The following PTPRK variants were observed in gnomAD, a reference collection of about 807,000 sequenced individuals.
PTPRK encodes the protein protein tyrosine phosphatase receptor type K.
PTPRK carries 75 observed loss-of-function variants against 178.0 expected under a neutral mutation model. That is an observed-to-expected ratio of 0.42 (90% CI 0.35 to 0.51). The LOEUF is 0.51. PTPRK is among the 20% of genes least tolerant of loss of function. PTPRK has a pLI of 0.02. For missense variants in PTPRK, 1,441 were observed against 1,797.8 expected, an observed-to-expected ratio of 0.80 and a Z score of 3.59; for synonymous variants, 637 against 620.6, an observed-to-expected ratio of 1.03 and a Z score of -0.39.
At chr6:128,015,900 A>C (rs2114741060) in intron 13 of PTPRK, among the ~76,000 whole-genome samples, 1 of 151,904 alleles carries the variant, frequency 6.6e-6, no homozygotes, top group Middle Eastern at 3.4e-3. Context: ...ATTATATCTT[A>C]CCACTTTGTA....
intron 13 of PTPRK, among the ~76,000 whole-genome samples, chr6:128,022,647 C>T (rs1202098898): frequency 6.6e-6 from 1 of 152,160 alleles, no homozygotes; most frequent in Non-Finnish European, 1.5e-5. Context: ...GAGGCACCGT[C>T]CTCCAGTATT....
At chr6:128,134,120 G>T (rs551046520) in intron 7 of PTPRK, among the ~76,000 whole-genome samples, 1 of 152,202 alleles carries the variant, frequency 6.6e-6, no homozygotes, top group South Asian at 2.1e-4. Context: ...AACTATATTT[G>T]TGAGGAAGGA....
In PTPRK at chr6:128,268,460, A is replaced by G. The variant is rs545390299; in HGVS notation, c.496-25858T>C. On this transcript the variant is annotated intron_variant, in intron 3 of 29. Coordinates refer to ENST00000368226, the MANE Select transcript of PTPRK (RefSeq NM_002844.4). The stretch of plus-strand genomic sequence containing the variant: ...CATTAATTAAACTTTATATGAAAGA[A>G]GACAGAGCTATTAGAAATGCTTATG... Among the ~76,000 whole-genome samples the G allele has an allele frequency of 2.1e-3, 319 of 152,164 alleles. 2 individuals are homozygous for G. The highest frequency in any genetic ancestry group is 3.3e-3 in the Non-Finnish European group (224 of 67,948).
chr6:128,393,468 A>G (rs1839891749), intron 2 of PTPRK, among the ~76,000 whole-genome samples: 1 of 152,216 alleles, frequency 6.6e-6, no homozygotes. Context: ...TTTAAGTAGT[A>G]CATAGTACAG....
At chr6:128,010,085 GTAT>G (rs1444840858) in intron 13 of PTPRK, among the ~76,000 whole-genome samples, 2 of 151,166 alleles carry the variant, frequency 1.3e-5, no homozygotes, top group Non-Finnish European at 3.0e-5. Flanking sequence ...GACAAGGAAA[GTAT>G]TATTATCTAC....
intron 11 of PTPRK, among the ~76,000 whole-genome samples, chr6:128,074,735 A>G (rs954685959): frequency 2.0e-5 from 3 of 152,076 alleles, no homozygotes; most frequent in Non-Finnish European, 2.9e-5. Flanking sequence ...CATGTTCTAC[A>G]TTAGCATAGG....
chr6:128,440,369 T>G (rs1480377954), intron 1 of PTPRK, among the ~76,000 whole-genome samples: 1 of 152,214 alleles, frequency 6.6e-6, no homozygotes, highest in Non-Finnish European at 1.5e-5. Flanking sequence ...AGATCCTCTT[T>G]CTTTCTCAAT....
chr6:127,990,558 T>G (rs1776486226), intron 21 of PTPRK, among the ~76,000 whole-genome samples: 2 of 151,618 alleles, frequency 1.3e-5, no homozygotes, highest in Non-Finnish European at 2.9e-5. Context: ...CTTAATTCAA[T>G]CGGCTCTAAG....
At position 128,409,411 on chromosome 6, in the gene PTPRK, A is replaced by G. The variant is rs142677757; in HGVS notation, c.101-11723T>C. On this transcript the variant is annotated intron_variant, in intron 1 of 29. Transcript: ENST00000368226. ...TCATAAGTATTTCTGATGCTGCTTT[A>G]TCTGGAAGGGATGGGTTTATAACTT... 1,740 of 416,450 alleles carry G rather than the reference A, an allele frequency of 4.2e-3. 10 individuals are homozygous for G. Among genetic ancestry groups the G allele is most frequent in the Non-Finnish European group, 5.5e-3 (1,147 of 210,450 alleles). 25.8% of individuals were successfully genotyped at this position (416,450 alleles called of 1,614,324 possible). A position where few individuals can be genotyped will look rare whatever the true frequency, so the allele number is the denominator to read the frequency against.
chr6:128,196,981 G>A (rs1231775769), intron 6 of PTPRK, among the ~76,000 whole-genome samples: 1 of 151,862 alleles, frequency 6.6e-6, no homozygotes, highest in African/African-American at 2.4e-5. Flanking sequence ...GATGTAAGAC[G>A]AATAAAGAAT....
intron 7 of PTPRK, among the ~76,000 whole-genome samples, chr6:128,129,397 T>C (rs1181485206): frequency 6.6e-6 from 1 of 152,214 alleles, no homozygotes; most frequent in African/African-American, 2.4e-5. Context: ...TGTTATTCCA[T>C]GATAGTGCTA....
intron 3 of PTPRK, among the ~76,000 whole-genome samples, chr6:128,313,753 A>G (rs1249326665): frequency 6.6e-6 from 1 of 152,218 alleles, no homozygotes; most frequent in African/African-American, 2.4e-5. Flanking sequence ...TAATTGACTT[A>G]TAATAGATTT....
chr6:128,499,450 C>T (rs1855225894), intron 1 of PTPRK, among the ~76,000 whole-genome samples: 1 of 152,210 alleles, frequency 6.6e-6, no homozygotes, highest in Non-Finnish European at 1.5e-5. Context: ...ATTCTCACAA[C>T]CCTGTAAATA....
chr6:128,335,956 T>G (rs1433761440), intron 2 of PTPRK, among the ~76,000 whole-genome samples: 1 of 152,096 alleles, frequency 6.6e-6, no homozygotes, highest in Non-Finnish European at 1.5e-5. Context: ...TGCAGTTATT[T>G]TGAAAAACAA....
chr6:128,036,818 G>A (rs2114819270), intron 13 of PTPRK, among the ~76,000 whole-genome samples: 1 of 151,478 alleles, frequency 6.6e-6, no homozygotes, highest in Non-Finnish European at 1.5e-5. Flanking sequence ...TGCAACCTCT[G>A]CCTCCCGGGT....
At chr6:128,085,847 A>T (rs1785701898) in intron 8 of PTPRK, among the ~76,000 whole-genome samples, 2 of 152,230 alleles carry the variant, frequency 1.3e-5, no homozygotes, top group South Asian at 4.1e-4. Context: ...GGATGATCAT[A>T]GATGAGAGAA....
intron 3 of PTPRK, among the ~76,000 whole-genome samples, chr6:128,303,737 A>G (rs1259804289): frequency 2.0e-5 from 3 of 152,234 alleles, no homozygotes; most frequent in African/African-American, 7.2e-5. Context: ...TTATTCCATT[A>G]AAATAAGTTG....
chr6:127,983,913 G>C (rs1775640229), intron 22 of PTPRK, among the ~76,000 whole-genome samples: 1 of 151,002 alleles, frequency 6.6e-6, no homozygotes, highest in Non-Finnish European at 1.5e-5. Flanking sequence ...GGTGGGGGTG[G>C]GCAAGAGAAT....
intron 7 of PTPRK, among the ~76,000 whole-genome samples, chr6:128,114,679 G>A (rs953780565): frequency 6.7e-6 from 1 of 149,948 alleles, no homozygotes; most frequent in Non-Finnish European, 1.5e-5. Flanking sequence ...CAGCCTGGAG[G>A]AAACGACCCC....
Sources: gnomAD v4.1 joint callset for allele counts (sites outside exome capture counted in the v4.1 genomes callset) on GRCh38, gnomAD v4.1.1 for gene constraint, MANE v1.5 for transcripts, NCBI Gene and HGNC (gene_info 2026-07-23, HGNC 2026-07-21) for gene names.